NRXN1: variants seen among roughly 807,000 people sequenced by gnomAD.
NRXN1 encodes the protein neurexin 1.
Under a neutral mutation model 150.9 loss-of-function variants are expected in NRXN1, and 39 were observed. That is an observed-to-expected ratio of 0.26 (90% CI 0.20 to 0.34). The LOEUF (loss-of-function observed/expected upper bound fraction) is 0.34, where lower values mean the gene tolerates loss of function less well. Among genes scored for constraint, NRXN1 ranks in the 10% least tolerant of loss-of-function variants. NRXN1 has a pLI of 1.00. For missense variants in NRXN1, 1,815 were observed against 1,949.9 expected (o/e 0.93, Z 1.30); for synonymous variants, 924 against 757.0 (o/e 1.22, Z -3.62).
chr2:50,285,830 T>C (rs2072082549), intron 17 of NRXN1, among the ~76,000 whole-genome samples: 1 of 151,272 alleles, frequency 6.6e-6, no homozygotes, highest in Admixed American at 6.6e-5. Context: ...ATAAACGGAG[T>C]TTCATTTGAC....
intron 2 of NRXN1, among the ~76,000 whole-genome samples, chr2:50,936,545 A>G (rs1688569604): frequency 6.6e-6 from 1 of 152,198 alleles, no homozygotes; most frequent in Non-Finnish European, 1.5e-5. Context: ...AGCTTGTGGC[A>G]GTACCTAGTA....
chr2:50,020,815 C>T (rs1482089178), intron 21 of NRXN1, among the ~76,000 whole-genome samples: 2 of 152,110 alleles, frequency 1.3e-5, no homozygotes, highest in Admixed American at 1.3e-4. Flanking sequence ...TGTATAATTA[C>T]AGTAGTAAAA....
intron 2 of NRXN1, among the ~76,000 whole-genome samples, chr2:50,952,359 C>T (rs1329459095): frequency 6.6e-6 from 1 of 152,080 alleles, no homozygotes; most frequent in Non-Finnish European, 1.5e-5. Flanking sequence ...ACTTAATAAA[C>T]ATTATTTATA....
At chr2:50,470,234 A>T (rs1028571574) in intron 16 of NRXN1, among the ~76,000 whole-genome samples, 1 of 151,784 alleles carries the variant, frequency 6.6e-6, no homozygotes, top group Non-Finnish European at 1.5e-5. Context: ...CACCTCCAAG[A>T]ATTATTATGT....
At chr2:50,084,656 C>G (rs1698531642) in intron 19 of NRXN1, among the ~76,000 whole-genome samples, 2 of 152,190 alleles carry the variant, frequency 1.3e-5, no homozygotes, top group African/African-American at 4.8e-5. Context: ...GGGGCTCCCA[C>G]AGTGCAGTGG....
chr2:50,150,980 G>C (rs748757516), intron 18 of NRXN1, among the ~76,000 whole-genome samples: 3 of 151,620 alleles, frequency 2.0e-5, no homozygotes, highest in Non-Finnish European at 4.4e-5. Context: ...GATTTTAGAT[G>C]GTATCTTCAA....
chr2:49,974,760 T>TG (rs1678650777), intron 21 of NRXN1, among the ~76,000 whole-genome samples: 1 of 151,780 alleles, frequency 6.6e-6, no homozygotes, highest in African/African-American at 2.4e-5. Flanking sequence ...TTAGGCTTTT[T>TG]TTTTTTTGGC....
At chr2:50,880,705 T>G (rs959387715) in intron 5 of NRXN1, among the ~76,000 whole-genome samples, 4 of 151,940 alleles carry the variant, frequency 2.6e-5, no homozygotes, top group African/African-American at 9.7e-5. Context: ...ATAACAGAAT[T>G]TCCTTCCTAG....
intron 18 of NRXN1, among the ~76,000 whole-genome samples, chr2:50,234,693 C>G (rs987169877): frequency 1.3e-4 from 20 of 151,616 alleles, no homozygotes; most frequent in African/African-American, 4.6e-4. Flanking sequence ...TTTGAGAAGC[C>G]CAGGAGGACA....
intron 21 of NRXN1, among the ~76,000 whole-genome samples, chr2:49,968,857 G>A (rs1677428395): frequency 6.6e-6 from 1 of 151,974 alleles, no homozygotes; most frequent in Non-Finnish European, 1.5e-5. Context: ...ATGCCTATTT[G>A]TCTTGAATCC....
intron 8 of NRXN1, among the ~76,000 whole-genome samples, chr2:50,591,173 T>C (rs1425145757): frequency 6.6e-6 from 1 of 152,166 alleles, no homozygotes; most frequent in African/African-American, 2.4e-5. Context: ...GGACTGAGGC[T>C]TATTCAACAT....
At chr2:50,538,739 G>A (rs75309768) in intron 9 of NRXN1, 103 bp from the exon 10 acceptor site, 11 of 902,386 alleles carry the variant, frequency 1.2e-5, no homozygotes, top group Admixed American at 3.7e-5. Flanking sequence ...CTTGGAGGCA[G>A]ACAATTATTA....
At chr2:50,586,615 A>T (rs1558976553) in intron 8 of NRXN1, among the ~76,000 whole-genome samples, 1 of 152,162 alleles carries the variant, frequency 6.6e-6, no homozygotes, top group Non-Finnish European at 1.5e-5. Context: ...CAAAAGAAAC[A>T]TCTAAGAAAA....
At chr2:50,115,240 T>TATATATATATATATATAC (rs1270800103) in intron 18 of NRXN1, among the ~76,000 whole-genome samples, 76 of 133,946 alleles carry the variant, frequency 5.7e-4, no homozygotes, top group African/African-American at 2.0e-3. Flanking sequence ...TATATATATA[T>TATATATATATATATATAC]ACACACACAC....
At chr2:50,205,405 T>C (rs1179881546) in intron 18 of NRXN1, among the ~76,000 whole-genome samples, 1 of 151,972 alleles carries the variant, frequency 6.6e-6, no homozygotes, top group Non-Finnish European at 1.5e-5. Context: ...GAGAAAAAAA[T>C]ACTAATGATC....
At chr2:50,992,557 T>C (rs1439352345) in intron 2 of NRXN1, among the ~76,000 whole-genome samples, 1 of 151,994 alleles carries the variant, frequency 6.6e-6, no homozygotes, top group Non-Finnish European at 1.5e-5. Flanking sequence ...CTACCTATTA[T>C]GACAATAAGC....
In NRXN1 at chr2:50,602,588, T is replaced by C. The variant is rs113139628; in HGVS notation, c.1320+17434A>G. Among the ~76,000 whole-genome samples the C allele has an allele frequency of 4.6e-3, 693 of 152,172 alleles. 5 individuals are homozygous for C. Among genetic ancestry groups the C allele is most frequent in the African/African-American group, 0.016 (660 of 41,506 alleles). On this transcript the variant is annotated intron_variant, in intron 8 of 22. Coordinates refer to ENST00000401669, the MANE Select transcript of NRXN1 (RefSeq NM_001330078.2). ...AGATGATTATCAAAAGGAAGTTTCC[T>C]TCCTTCCTTCCTTCCTTTTTCTCTC...
intron 17 of NRXN1, among the ~76,000 whole-genome samples, chr2:50,278,915 T>C (rs1287251472): frequency 6.6e-6 from 1 of 152,168 alleles, no homozygotes; most frequent in Non-Finnish European, 1.5e-5. Flanking sequence ...TAATTACAAA[T>C]AAAGCACCTC....
intron 12 of NRXN1, among the ~76,000 whole-genome samples, chr2:50,518,722 G>A (rs2092697655): frequency 1.3e-5 from 2 of 151,160 alleles, no homozygotes; most frequent in Admixed American, 1.3e-4. Context: ...TTTTTAATGA[G>A]GTCAAGAAGG....
Sources: gnomAD v4.1 joint callset for allele counts (sites outside exome capture counted in the v4.1 genomes callset) on GRCh38, gnomAD v4.1.1 for gene constraint, MANE v1.5 for transcripts, NCBI Gene and HGNC (gene_info 2026-07-23, HGNC 2026-07-21) for gene names.